Variants in CARD8 observed in about 807,000 individuals in gnomAD.
CARD8 encodes caspase recruitment domain family member 8, also known as caspase recruitment domain-containing protein 8.
CARD8 carries 38 observed loss-of-function variants against 53.2 expected under a neutral mutation model. The ratio of observed to expected loss-of-function variants is 0.71; its 90% CI spans 0.55 to 0.94. CARD8 has a LOEUF of 0.94. Among genes scored for constraint, CARD8 ranks in the 40% least tolerant of loss-of-function variants. The pLI is 0.00. For missense variants in CARD8, 561 were observed against 655.5 expected (o/e 0.86, Z 1.57); for synonymous variants, 245 against 244.9 (o/e 1.00, Z 0.00).
intron 7 of CARD8, 169 bp from the exon 8 acceptor site, chr19:48,231,979 G>A: frequency 1.4e-6 from 1 of 703,840 alleles, no homozygotes; most frequent in Non-Finnish European, 2.6e-6. Context: ...ACAAAGAAAG[G>A]CACAAGAATG....
chr19:48,248,341 CCT>C (rs1568940188), intron 3 of CARD8, among the ~76,000 whole-genome samples: 1 of 151,938 alleles, frequency 6.6e-6, no homozygotes, highest in Non-Finnish European at 1.5e-5. Flanking sequence ...ACAGCGAAGC[CCT>C]GTCATTTAAA....
Position 48,231,663 on chromosome 19 carries a change from T to C in CARD8, c.539A>G (p.Tyr180Cys). ...VELIDKSTNR[Y>C]SVWFPTAGWY... is the part of the protein sequence containing the mutation. ...CATCAGCATCTTCCATTCTTACCTG[T>C]ATCTGTTTGTGCTCTTATCAATCAA... Residue 180 changes from tyrosine (Y) to cysteine (C), a missense_variant, in exon 8 of 14, where the codon TAC (tyrosine) becomes TGC (cysteine). By Grantham distance (194) the Tyr-to-Cys change is radical. Coordinates refer to ENST00000651546, the MANE Select transcript of CARD8 (RefSeq NM_001184900.3). 6.3e-7 allele frequency: 1 copy of C among 1,596,030 alleles called. No homozygotes were observed. The highest frequency in any genetic ancestry group is 8.5e-7 in the Non-Finnish European group (1 of 1,171,224).
In CARD8 at chr19:48,211,466, A is replaced by C. The variant is rs573772387; in HGVS notation, c.*244T>G. The C allele has an allele frequency of 8.6e-6, 4 of 467,612 alleles. No homozygotes were observed. The Admixed American group carries it at 1.5e-4, about 18-fold the overall frequency. 29.0% of individuals were successfully genotyped at this position (467,612 alleles called of 1,614,324 possible). On this transcript the variant is annotated 3_prime_UTR_variant, in exon 14 of 14. Coordinates refer to ENST00000651546, the MANE Select transcript of CARD8 (RefSeq NM_001184900.3). ...TCAATGGATAAAATAGTGATATATCAAGCAATGGTTGGAAAAAATTTAAAA... is the reference window on the plus strand; with the variant it reads ...TCAATGGATAAAATAGTGATATATCCAGCAATGGTTGGAAAAAATTTAAAA...
chr19:48,240,443 G>A (rs1215013990), intron 4 of CARD8, among the ~76,000 whole-genome samples: 2 of 152,058 alleles, frequency 1.3e-5, no homozygotes, highest in Non-Finnish European at 2.9e-5. Context: ...GTCTAAAAAG[G>A]TCAGAAACAG....
At chr19:48,232,558 A>C in intron 6 of CARD8, 65 bp from the exon 7 acceptor site, 1 of 1,378,446 alleles carries the variant, frequency 7.3e-7, no homozygotes, top group African/African-American at 1.4e-5. Flanking sequence ...GATGAAGATG[A>C]AGACGATGTT....
chr19:48,218,876 T>A lies in CARD8; in HGVS notation c.1298A>T (p.Lys433Met). ...AGCCTCGCCCACTCACCTACCTGGCTTCACCTCAGTATCCCACACCAAAGT... is the reference window on the plus strand; with the variant it reads ...AGCCTCGCCCACTCACCTACCTGGCATCACCTCAGTATCCCACACCAAAGT... ...HGTLVWDTEV[K>M]PVDLQLVAAS... The change falls in exon 12 of 14, where the codon AAG becomes ATG. Residue 433 changes from lysine to methionine, a missense_variant. By Grantham distance (95) the Lys-to-Met change is moderately conservative. Transcript: ENST00000651546. 1 of 1,614,204 alleles carries A rather than the reference T, an allele frequency of 6.2e-7. No homozygotes were observed. The highest frequency in any genetic ancestry group is 8.5e-7 in the Non-Finnish European group (1 of 1,180,012).
At position 48,221,805 on chromosome 19, in the gene CARD8, C is replaced by T. The variant is rs16981828; in HGVS notation, c.1086G>A (p.Ser362=). The T allele has an allele frequency of 3.1e-3, 5,013 of 1,609,762 alleles. 86 individuals carry two copies. Among genetic ancestry groups the T allele is most frequent in the South Asian group, 0.029 (2,596 of 90,560 alleles). ...CAAAGTTCAGGGGTTCCATTGGGGG[C>T]GAAGTCTGCAGGCGCACACCATGGA... ...DRFHGVRLQT[S]PPMEPLNFGS... Residue 362 remains serine (S), a synonymous_variant, in exon 11 of 14, where the codon TCG becomes TCA. Transcript: ENST00000651546.
Position 48,211,871 on chromosome 19 carries a change from C to T in CARD8, c.1453G>A (p.Glu485Lys), listed in dbSNP as rs1211062233. ...LQDNEVLTEN[E>K]KELVEQEKTR... ...TTTTCCTGCTCCACCAGCTCCTTCTCATTCTCAGTAAGAACCTCATTGTCT... is the reference window on the plus strand; with the variant it reads ...TTTTCCTGCTCCACCAGCTCCTTCTTATTCTCAGTAAGAACCTCATTGTCT... Residue 485 changes from glutamate (E) to lysine (K), a missense_variant, in exon 14 of 14, where the codon GAG becomes AAG. By Grantham distance (56) the Glu-to-Lys change is moderately conservative. Transcript: ENST00000651546. 4 of 1,614,030 alleles carry T rather than the reference C, an allele frequency of 2.5e-6. No individual in the cohort carries two copies. The African/African-American group carries it at 5.3e-5, about 22-fold the overall frequency.
intron 13 of CARD8, among the ~76,000 whole-genome samples, chr19:48,214,769 C>CTTTTTTTTTTTTTTTT (rs531199248): frequency 1.1e-4 from 10 of 89,562 alleles, no homozygotes; most frequent in African/African-American, 2.4e-4. Flanking sequence ...TGCTATAAAG[C>CTTTTTTTTTTTTTTTT]TTTTTTTTTT....
chr19:48,232,547 TGATGAA>T (rs1478135639), intron 6 of CARD8, 54 bp from the exon 7 acceptor site: 11 of 1,438,788 alleles, frequency 7.6e-6, no homozygotes, highest in East Asian at 2.5e-5. Context: ...AAGAATCAGT[TGATGAA>T]GATGAAGACG....
intron 3 of CARD8, among the ~76,000 whole-genome samples, chr19:48,241,323 T>C (rs2045026826): frequency 6.6e-6 from 1 of 152,160 alleles, no homozygotes; most frequent in Non-Finnish European, 1.5e-5. Flanking sequence ...TGGCGAGATC[T>C]TGACTCACAG....
chr19:48,223,373 C>T (rs2041086642), intron 10 of CARD8, among the ~76,000 whole-genome samples: 1 of 150,794 alleles, frequency 6.6e-6, no homozygotes, highest in African/African-American at 2.4e-5. Context: ...ATGGAGAAAA[C>T]CTGAATTGGG....
intron 12 of CARD8, among the ~76,000 whole-genome samples, chr19:48,216,644 T>G (rs1028924675): frequency 2.6e-5 from 4 of 152,116 alleles, no homozygotes; most frequent in African/African-American, 9.7e-5. Flanking sequence ...TCTTGAACTC[T>G]AGACACCATT....
In CARD8 at chr19:48,238,469, T is replaced by C; in HGVS notation, c.123A>G (p.Lys41=). 1 of 1,536,370 alleles carries C rather than the reference T, an allele frequency of 6.5e-7. No individual in the cohort carries two copies. The highest frequency in any genetic ancestry group is 8.7e-7 in the Non-Finnish European group (1 of 1,146,952). Residue 41 remains lysine, a synonymous_variant, in exon 5 of 14, where the codon AAA becomes AAG. Transcript: ENST00000651546. ...CCCGTATGCTATTGTCAACCAACAG[T>C]TTCCGTGATCCTTGTAGTCTAATGA... ...SKLIRLQGSR[K]LLVDNSIREL... is the part of the protein sequence containing the mutation.
intron 12 of CARD8, among the ~76,000 whole-genome samples, chr19:48,216,190 A>G (rs895999098): frequency 1.3e-5 from 2 of 152,174 alleles, no homozygotes; most frequent in Admixed American, 1.3e-4. Context: ...TTTTAAATAA[A>G]AAAGTAAACA....
Position 48,211,879 on chromosome 19 carries a change from G to A in CARD8, c.1445C>T (p.Thr482Ile), listed in dbSNP as rs1276840760. Residue 482 changes from threonine (T) to isoleucine (I), a missense_variant, in exon 14 of 14, where the codon ACT becomes ATT. By Grantham distance (89) the Thr-to-Ile change is moderately conservative (BLOSUM62 -1). Coordinates refer to ENST00000651546, the MANE Select transcript of CARD8 (RefSeq NM_001184900.3). ...CTCCACCAGCTCCTTCTCATTCTCAGTAAGAACCTCATTGTCTTGGAGATC... is the reference window on the plus strand; with the variant it reads ...CTCCACCAGCTCCTTCTCATTCTCAATAAGAACCTCATTGTCTTGGAGATC... ...LDDLQDNEVL[T>I]ENEKELVEQE... 4 of 1,614,060 alleles carry A rather than the reference G, an allele frequency of 2.5e-6. No homozygotes were observed. The East Asian group carries it at 8.9e-5, about 36-fold the overall frequency.
chr19:48,230,744 C>G, intron 9 of CARD8, 33 bp downstream of exon 9: 1 of 1,612,716 alleles, frequency 6.2e-7, no homozygotes, highest in Non-Finnish European at 8.5e-7. Context: ...CGCACCCCAG[C>G]GGCCCCCACA....
intron 3 of CARD8, chr19:48,242,524 T>C (rs1338605106): frequency 1.3e-5 from 2 of 152,364 alleles, no homozygotes; most frequent in South Asian, 2.1e-4. Flanking sequence ...ATCCATATTA[T>C]ACCGCATAAC....
rs755929405 is a variant in CARD8 at position 48,211,678 on chromosome 19, T to G, written c.*32A>C. The stretch of plus-strand genomic sequence containing the variant: ...ATCCATTTCCAATGAGAACGCTGGA[T>G]TCTCTCTTCCAGACTACCTAACTGA... On this transcript the variant is annotated 3_prime_UTR_variant, in exon 14 of 14. Transcript: ENST00000651546. 10 of 1,595,540 alleles carry G rather than the reference T, an allele frequency of 6.3e-6. No homozygotes were observed. The highest frequency in any genetic ancestry group is 1.7e-4 in the Middle Eastern group (1 of 5,812).
Sources: gnomAD v4.1 joint callset for allele counts (sites outside exome capture counted in the v4.1 genomes callset) on GRCh38, gnomAD v4.1.1 for gene constraint, MANE v1.5 for transcripts, NCBI Gene and HGNC (gene_info 2026-07-23, HGNC 2026-07-21) for gene names.